The following SWT1 variants were observed in gnomAD, a reference collection of about 807,000 sequenced individuals.
SWT1 encodes SWT1 RNA endoribonuclease homolog, also known as transcriptional protein SWT1.
A neutral mutation model predicts 107.3 loss-of-function variants in SWT1; 33 were observed. The observed-to-expected ratio is 0.31, with a 90% CI of 0.23 to 0.41. The LOEUF is 0.41. SWT1 is among the 10% of genes least tolerant of loss of function. SWT1 has a pLI of 1.00. For missense variants in SWT1, 898 were observed against 1,028.9 expected, an observed-to-expected ratio of 0.87 and a Z score of 1.74; for synonymous variants, 345 against 348.3, an observed-to-expected ratio of 0.99 and a Z score of 0.11.
rs928820282 is a variant in SWT1, at chr1:185,226,888, T to A, written c.2310-4689T>A. On this transcript the variant is annotated intron_variant, in intron 15 of 18. Transcript: ENST00000367500. ...CGATCTTTCTTCTGAGCAATGGACA[T>A]TTTGGGACAGTTCCACCTCTTCTTT... 1.1e-5 allele frequency: 16 copies of A among 1,434,830 alleles called. No individual in the cohort carries two copies. In the African/African-American group the frequency reaches 2.0e-4, roughly 18 times the overall value. 88.9% of individuals were successfully genotyped at this position (1,434,830 alleles called of 1,614,324 possible). A position where few individuals can be genotyped will look rare whatever the true frequency, so the allele number is the denominator to read the frequency against.
intron 12 of SWT1, among the ~76,000 whole-genome samples, chr1:185,206,071 G>C (rs1658310111): frequency 6.6e-6 from 1 of 151,870 alleles, no homozygotes; most frequent in Non-Finnish European, 1.5e-5. Context: ...CTATTCTCCT[G>C]TCTCAACCTC....
intron 16 of SWT1, among the ~76,000 whole-genome samples, chr1:185,232,401 G>A (rs1660566611): frequency 6.6e-6 from 1 of 152,144 alleles, no homozygotes; most frequent in Non-Finnish European, 1.5e-5. Flanking sequence ...TCTACAGAAA[G>A]TAATAACTCA....
chr1:185,195,233 G>C (rs540486613), intron 10 of SWT1, among the ~76,000 whole-genome samples: 3 of 152,282 alleles, frequency 2.0e-5, no homozygotes, highest in Admixed American at 6.5e-5. Flanking sequence ...CCACTTAAGA[G>C]TGAGGACATG....
In SWT1 at chr1:185,190,657, C is replaced by T; in HGVS notation, c.1523+15C>T. The T allele has an allele frequency of 6.9e-7, 1 of 1,459,392 alleles. No homozygotes were observed. The highest frequency in any genetic ancestry group is 9.5e-7 in the Non-Finnish European group (1 of 1,051,966). 90.4% of individuals were successfully genotyped at this position (1,459,392 alleles called of 1,614,324 possible). ...ATTCTGTGCACGTGAGTTTCATAGTCATTTGACTTTTTATTTTTAAAAAAT... is the reference window on the plus strand; with the variant it reads ...ATTCTGTGCACGTGAGTTTCATAGTTATTTGACTTTTTATTTTTAAAAAAT... On this transcript the variant is annotated intron_variant, in intron 10 of 18. Transcript: ENST00000367500.
At chr1:185,270,546 AT>A (rs1663778426) in intron 16 of SWT1, among the ~76,000 whole-genome samples, 1 of 151,974 alleles carries the variant, frequency 6.6e-6, no homozygotes, top group South Asian at 2.1e-4. Context: ...TACCAAAATA[AT>A]TTTTTAAAAT....
intron 14 of SWT1, among the ~76,000 whole-genome samples, chr1:185,216,004 A>T (rs1263013507): frequency 1.3e-5 from 2 of 152,154 alleles, no homozygotes; most frequent in Non-Finnish European, 2.9e-5. Flanking sequence ...GGTTTTTCTC[A>T]TTGATTTTTC....
intron 16 of SWT1, among the ~76,000 whole-genome samples, 171 bp from the exon 17 acceptor site, chr1:185,271,152 A>C (rs776063355): frequency 6.6e-6 from 1 of 152,202 alleles, no homozygotes; most frequent in African/African-American, 2.4e-5. Context: ...CGTTGAATTA[A>C]GTTTCTGGTT....
At chr1:185,281,678 T>A in intron 18 of SWT1, 1 of 172,432 alleles carries the variant, frequency 5.8e-6, no homozygotes, top group South Asian at 1.6e-4. Context: ...CACAGCCTCA[T>A]CAACAACAAG....
chr1:185,195,857 A>G (rs1571471481), intron 10 of SWT1, among the ~76,000 whole-genome samples: 1 of 152,000 alleles, frequency 6.6e-6, no homozygotes, highest in Non-Finnish European at 1.5e-5. Flanking sequence ...TTTTTCTTGT[A>G]AATTTGTTTA....
intron 13 of SWT1, 46 bp from the exon 14 acceptor site, chr1:185,214,461 T>A (rs1659063377): frequency 6.8e-7 from 1 of 1,462,580 alleles, no homozygotes; most frequent in Non-Finnish European, 9.4e-7. Flanking sequence ...TTTTATGATG[T>A]ATACTCATTC....
chr1:185,178,633 C>T (rs1380273879), intron 5 of SWT1, among the ~76,000 whole-genome samples: 1 of 151,642 alleles, frequency 6.6e-6, no homozygotes, highest in Non-Finnish European at 1.5e-5. Flanking sequence ...TGTAGGTGGC[C>T]CATGAATAGA....
intron 2 of SWT1, among the ~76,000 whole-genome samples, chr1:185,163,326 T>C (rs1654309823): frequency 6.6e-6 from 1 of 151,744 alleles, no homozygotes. Context: ...TCACCAGGAG[T>C]AGAAATCAAT....
intron 16 of SWT1, among the ~76,000 whole-genome samples, chr1:185,236,953 A>G (rs1398507403): frequency 6.6e-6 from 1 of 152,222 alleles, no homozygotes; most frequent in Non-Finnish European, 1.5e-5. Flanking sequence ...AACAAACATG[A>G]AAAAAGCTCA....
At chr1:185,281,977 G>A (rs1411456288) in intron 18 of SWT1, among the ~76,000 whole-genome samples, 1 of 152,170 alleles carries the variant, frequency 6.6e-6, no homozygotes, top group Non-Finnish European at 1.5e-5. Context: ...GGAAGCAAAT[G>A]GATAGAGGGA....
intron 10 of SWT1, among the ~76,000 whole-genome samples, chr1:185,194,494 T>A (rs1657222303): frequency 6.6e-6 from 1 of 152,154 alleles, no homozygotes; most frequent in African/African-American, 2.4e-5. Flanking sequence ...AAAGTCTACC[T>A]TCAAATATTA....
intron 16 of SWT1, among the ~76,000 whole-genome samples, chr1:185,242,187 G>C (rs966382293): frequency 1.3e-5 from 2 of 151,976 alleles, no homozygotes; most frequent in African/African-American, 2.4e-5. Context: ...GAGCTTTTAT[G>C]GTATCTATAT....
chr1:185,269,013 C>T (rs1663624653), intron 16 of SWT1, among the ~76,000 whole-genome samples: 2 of 151,886 alleles, frequency 1.3e-5, no homozygotes, highest in African/African-American at 2.4e-5. Flanking sequence ...CCACTACGCC[C>T]GGCTAATTTT....
At chr1:185,277,332 G>A (rs1036377525) in intron 18 of SWT1, among the ~76,000 whole-genome samples, 1 of 151,508 alleles carries the variant, frequency 6.6e-6, no homozygotes, top group Non-Finnish European at 1.5e-5. Flanking sequence ...CGCAAATGGT[G>A]CGACAATGTG....
At chr1:185,212,785 A>G (rs879649239) in intron 13 of SWT1, among the ~76,000 whole-genome samples, 18 of 148,118 alleles carry the variant, frequency 1.2e-4, no homozygotes, top group Non-Finnish European at 2.5e-4. Flanking sequence ...CCTGGGCAAC[A>G]AGAGTGAAAC....
Sources: allele counts gnomAD v4.1 joint callset (sites outside exome capture counted in the v4.1 genomes callset), GRCh38; gene constraint gnomAD v4.1.1; transcripts MANE v1.5; gene names NCBI Gene and HGNC (gene_info 2026-07-23, HGNC 2026-07-21).